Variants in CACNB2 observed in about 807,000 individuals in gnomAD.
The protein encoded by CACNB2 is voltage-dependent L-type calcium channel subunit beta-2.
In CACNB2, 42 loss-of-function variants were observed where a neutral mutation model predicts 73.3. The observed-to-expected ratio is 0.57, with a 90% CI of 0.45 to 0.74. The LOEUF is 0.74. Ranked by LOEUF, CACNB2 falls within the 30% of genes least tolerant of loss-of-function variation. CACNB2 has a pLI of 0.00. For missense variants in CACNB2, 940 were observed against 853.0 expected (o/e 1.10, Z -1.27); for synonymous variants, 348 against 310.3 (o/e 1.12, Z -1.28).
chr10:18,144,970 A>G (rs1276474417), intron 1 of CACNB2, among the ~76,000 whole-genome samples: 1 of 152,210 alleles, frequency 6.6e-6, no homozygotes, highest in African/African-American at 2.4e-5. Flanking sequence ...AGGGATTGAT[A>G]GGTAACAGAA....
intron 3 of CACNB2, among the ~76,000 whole-genome samples, chr10:18,433,873 T>TTTGTTGTTG (rs143561512): frequency 6.3e-4 from 94 of 150,038 alleles, no homozygotes; most frequent in African/African-American, 2.0e-3. Context: ...TAAATCAGAT[T>TTTGTTGTTG]TTGTTGTTGT....
intron 3 of CACNB2, among the ~76,000 whole-genome samples, chr10:18,436,361 C>CG (rs1179029259): frequency 6.6e-6 from 1 of 152,118 alleles, no homozygotes; most frequent in East Asian, 1.9e-4. Flanking sequence ...TGAGCCTTCT[C>CG]GGATAGTCTG....
intron 2 of CACNB2, among the ~76,000 whole-genome samples, chr10:18,281,186 G>A (rs1382429565): frequency 6.6e-6 from 1 of 152,150 alleles, no homozygotes; most frequent in Admixed American, 6.5e-5. Context: ...TGGACAATTG[G>A]AGATTAGGAT....
intron 3 of CACNB2, among the ~76,000 whole-genome samples, chr10:18,450,623 T>G (rs908460752): frequency 3.2e-4 from 47 of 148,580 alleles, no homozygotes; most frequent in Non-Finnish European, 4.7e-4. Context: ...GCTGCTTTTT[T>G]TTCTTTTTTT....
chr10:18,238,838 A>C (rs1388543618), intron 2 of CACNB2, among the ~76,000 whole-genome samples: 4 of 152,238 alleles, frequency 2.6e-5, no homozygotes, highest in African/African-American at 9.6e-5. Flanking sequence ...TTTAACTAAC[A>C]CAACCGTAAA....
intron 2 of CACNB2, among the ~76,000 whole-genome samples, chr10:18,254,323 G>A (rs1274729089): frequency 6.6e-6 from 1 of 152,200 alleles, no homozygotes; most frequent in African/African-American, 2.4e-5. Context: ...TGTAGCAAGT[G>A]TAGTCTACCT....
Position 18,398,669 on chromosome 10 carries a change from A to T in CACNB2, c.214-3255A>T, listed in dbSNP as rs1018944710. Among the ~76,000 whole-genome samples, 33 of 124,058 alleles carry T rather than the reference A, an allele frequency of 2.7e-4. 1 individual carries two copies. The South Asian group carries it at 8.7e-3, about 33-fold the overall frequency. The allele number at this position is 124,058 out of a possible 152,430, so 81.4% of individuals were successfully genotyped here. A position where few individuals can be genotyped will look rare whatever the true frequency, so the allele number is the denominator to read the frequency against. On this transcript the variant is annotated intron_variant, in intron 2 of 13. Transcript: ENST00000324631. The stretch of plus-strand genomic sequence containing the variant: ...AAGCCTGGGTGACAGTGAGACTGTC[A>T]CACACACACACACACACACACATAC...
At chr10:18,208,630 A>G (rs1255481312) in intron 2 of CACNB2, among the ~76,000 whole-genome samples, 1 of 152,042 alleles carries the variant, frequency 6.6e-6, no homozygotes, top group Non-Finnish European at 1.5e-5. Context: ...AAAATAAAAT[A>G]AAAAGATTGT....
rs553279535 is a variant in CACNB2 at position 18,397,876 on chromosome 10, A to G, written c.214-4048A>G. Among the ~76,000 whole-genome samples, 4 of 152,364 alleles carry G rather than the reference A, an allele frequency of 2.6e-5. No individual in the cohort carries two copies. In the East Asian group the frequency reaches 5.8e-4, roughly 22 times the overall value. ...GATGATCCTGGGAGGAACTATTAGT[A>G]CACAGTAGTACAAGTTACATTTTCA... On this transcript the variant is annotated intron_variant, in intron 2 of 13. Coordinates refer to ENST00000324631, the MANE Select transcript of CACNB2 (RefSeq NM_201596.3).
At chr10:18,198,437 CA>C (rs1466135273) in intron 2 of CACNB2, among the ~76,000 whole-genome samples, 1 of 152,120 alleles carries the variant, frequency 6.6e-6, no homozygotes, top group Non-Finnish European at 1.5e-5. Flanking sequence ...CTGCACTCTG[CA>C]AAGCTTCCTA....
chr10:18,210,858 T>G (rs1160286945), intron 2 of CACNB2, among the ~76,000 whole-genome samples: 2 of 152,192 alleles, frequency 1.3e-5, no homozygotes, highest in Admixed American at 1.3e-4. Flanking sequence ...GAGTGGTAGT[T>G]GATAAGCGTA....
Position 18,220,227 on chromosome 10 carries a change from ATAT to A in CACNB2, c.213+69253_213+69255del, listed in dbSNP as rs1564353837. Among the ~76,000 whole-genome samples the A allele has an allele frequency of 2.9e-3, 151 of 51,688 alleles. 3 individuals carry two copies. The highest frequency in any genetic ancestry group is 3.7e-3 in the South Asian group (6 of 1,618). 33.9% of individuals were successfully genotyped at this position (51,688 alleles called of 152,430 possible). ...TATATATATATATATATATATATAT[ATAT>A]ATAGAGAGAGAGAGAGAGAGAGAGA... On this transcript the variant is annotated intron_variant, in intron 2 of 13. Transcript: ENST00000324631.
At chr10:18,317,394 C>T (rs559344992) in intron 2 of CACNB2, among the ~76,000 whole-genome samples, 1 of 152,068 alleles carries the variant, frequency 6.6e-6, no homozygotes, top group Non-Finnish European at 1.5e-5. Flanking sequence ...CCTTTCCTAC[C>T]TCTCCCCTTT....
At chr10:18,236,725 C>T (rs2036460214) in intron 2 of CACNB2, among the ~76,000 whole-genome samples, 1 of 152,172 alleles carries the variant, frequency 6.6e-6, no homozygotes, top group African/African-American at 2.4e-5. Context: ...CTGCCATTTA[C>T]CCCTACCTGC....
intron 3 of CACNB2, among the ~76,000 whole-genome samples, chr10:18,479,350 G>C (rs1054412529): frequency 8.5e-5 from 13 of 152,216 alleles, no homozygotes; most frequent in African/African-American, 3.1e-4. Flanking sequence ...GATCTGTGCT[G>C]AGAAATTACT....
chr10:18,399,040 G>A (rs987742883), intron 2 of CACNB2, among the ~76,000 whole-genome samples: 37 of 152,192 alleles, frequency 2.4e-4, no homozygotes, highest in African/African-American at 8.7e-4. Flanking sequence ...ATGTGTGGGT[G>A]TTATGCGGCC....
chr10:18,293,280 G>A (rs1195485800), intron 2 of CACNB2, among the ~76,000 whole-genome samples: 1 of 152,120 alleles, frequency 6.6e-6, no homozygotes, highest in Non-Finnish European at 1.5e-5. Flanking sequence ...CTTCCTCTTA[G>A]TAAAACCAAG....
intron 2 of CACNB2, among the ~76,000 whole-genome samples, chr10:18,301,813 T>C (rs2039525523): frequency 6.6e-6 from 1 of 151,730 alleles, no homozygotes; most frequent in African/African-American, 2.4e-5. Context: ...CACGCACAGC[T>C]AATTTTTGTA....
At chr10:18,371,382 G>T (rs1048583939) in intron 2 of CACNB2, among the ~76,000 whole-genome samples, 1 of 151,816 alleles carries the variant, frequency 6.6e-6, no homozygotes, top group Admixed American at 6.6e-5. Flanking sequence ...AACGGGCCCC[G>T]GTGTGTGATG....
Sources: gnomAD v4.1 joint callset for allele counts (sites outside exome capture counted in the v4.1 genomes callset) on GRCh38, gnomAD v4.1.1 for gene constraint, MANE v1.5 for transcripts, NCBI Gene and HGNC (gene_info 2026-07-23, HGNC 2026-07-21) for gene names.